NALF1: variants seen among roughly 807,000 people sequenced by gnomAD.
NALF1 encodes the protein NALCN channel auxiliary factor 1.
NALF1 carries 3 observed loss-of-function variants against 48.4 expected under a neutral mutation model. The ratio of observed to expected loss-of-function variants is 0.06; its 90% CI spans 0.03 to 0.16. The LOEUF (loss-of-function observed/expected upper bound fraction) is 0.16, where lower values mean the gene tolerates loss of function less well. Among genes scored for constraint, NALF1 ranks in the 10% least tolerant of loss-of-function variants. The pLI, the probability that NALF1 is intolerant of heterozygous loss-of-function variation, is 1.00. For missense variants in NALF1, 526 were observed against 571.5 expected, an observed-to-expected ratio of 0.92 and a Z score of 0.81; for synonymous variants, 262 against 245.7, an observed-to-expected ratio of 1.07 and a Z score of -0.62.
At chr13:107,854,777 C>T (rs995812442) in intron 1 of NALF1, among the ~76,000 whole-genome samples, 2 of 150,692 alleles carry the variant, frequency 1.3e-5, no homozygotes, top group Admixed American at 6.6e-5. Flanking sequence ...GGGAGGCTGA[C>T]GCAGGAGAAT....
intron 1 of NALF1, among the ~76,000 whole-genome samples, chr13:107,314,475 A>G (rs1377288903): frequency 6.6e-6 from 1 of 151,296 alleles, no homozygotes; most frequent in Non-Finnish European, 1.5e-5. Flanking sequence ...TTGATTCTTC[A>G]GAAAGATTTA....
At chr13:107,534,618 C>T (rs566895951) in intron 1 of NALF1, among the ~76,000 whole-genome samples, 8 of 152,152 alleles carry the variant, frequency 5.3e-5, no homozygotes, top group African/African-American at 1.9e-4. Flanking sequence ...TACAAATAAG[C>T]CAGTATTTCC....
intron 1 of NALF1, among the ~76,000 whole-genome samples, chr13:107,515,144 T>C (rs1876017121): frequency 6.6e-6 from 1 of 152,166 alleles, no homozygotes; most frequent in Admixed American, 6.5e-5. Context: ...TGCAGCCCTT[T>C]TGCAAAAGTG....
Position 107,511,906 on chromosome 13 carries a change from A to C in NALF1, c.916-301151T>G, listed in dbSNP as rs201819038. Among the ~76,000 whole-genome samples, 4 of 152,328 alleles carry C rather than the reference A, an allele frequency of 2.6e-5. No homozygotes were observed. The East Asian group carries it at 7.7e-4, about 29-fold the overall frequency. On this transcript the variant is annotated intron_variant, in intron 1 of 2. Coordinates refer to ENST00000375915, the MANE Select transcript of NALF1 (RefSeq NM_001080396.3). ...TGTTGAAAAGCATTTTGAATACCTGAAAGCAGTTACCCCAAGCACATCACC... is the reference window on the plus strand; with the variant it reads ...TGTTGAAAAGCATTTTGAATACCTGCAAGCAGTTACCCCAAGCACATCACC...
Position 107,791,784 on chromosome 13 carries a change from C to G in NALF1, c.915+73898G>C, listed in dbSNP as rs11840762. ...TGGCCAACGTGGTGATCCCCGCCCC[C>G]CCCCGTCTCTACTAAAAATACAAAA... On this transcript the variant is annotated intron_variant, in intron 1 of 2. Coordinates refer to ENST00000375915, the MANE Select transcript of NALF1 (RefSeq NM_001080396.3). Among the ~76,000 whole-genome samples the G allele has an allele frequency of 5.6e-3, 850 of 151,792 alleles. 10 individuals carry two copies. Among genetic ancestry groups the G allele is most frequent in the African/African-American group, 0.019 (793 of 41,386 alleles).
intron 1 of NALF1, among the ~76,000 whole-genome samples, chr13:107,403,794 T>C (rs1400488284): frequency 6.6e-6 from 1 of 151,944 alleles, no homozygotes; most frequent in Non-Finnish European, 1.5e-5. Context: ...TTTAGTTTTT[T>C]ATCTGAACAA....
At chr13:107,286,232 G>A (rs1881490805) in intron 1 of NALF1, among the ~76,000 whole-genome samples, 1 of 152,114 alleles carries the variant, frequency 6.6e-6, no homozygotes, top group South Asian at 2.1e-4. Context: ...GAATTACCAC[G>A]TGACCCTGTA....
intron 1 of NALF1, among the ~76,000 whole-genome samples, chr13:107,527,041 C>A (rs1876470647): frequency 6.6e-6 from 1 of 152,100 alleles, no homozygotes; most frequent in Non-Finnish European, 1.5e-5. Context: ...TTCATATAAG[C>A]CCCAATGTTT....
intron 1 of NALF1, among the ~76,000 whole-genome samples, chr13:107,284,082 G>T (rs1260112567): frequency 6.6e-6 from 1 of 152,140 alleles, no homozygotes; most frequent in African/African-American, 2.4e-5. Flanking sequence ...ATAGGGCAAA[G>T]GATTATGGCT....
chr13:107,172,437 T>A (rs1199033844), intron 2 of NALF1, among the ~76,000 whole-genome samples: 2 of 152,218 alleles, frequency 1.3e-5, no homozygotes, highest in African/African-American at 4.8e-5. Flanking sequence ...GTATACCTAT[T>A]TATTTAATTA....
intron 1 of NALF1, among the ~76,000 whole-genome samples, chr13:107,684,359 C>T (rs1349426371): frequency 6.6e-6 from 1 of 152,184 alleles, no homozygotes; most frequent in East Asian, 1.9e-4. Context: ...CTTGCTTTGG[C>T]ATTTGGCAGC....
intron 1 of NALF1, among the ~76,000 whole-genome samples, chr13:107,510,987 C>A (rs1875869101): frequency 6.6e-6 from 1 of 152,130 alleles, no homozygotes; most frequent in Non-Finnish European, 1.5e-5. Context: ...GCATCTAGCC[C>A]AAAGCAAGGC....
chr13:107,696,674 G>A (rs980306512), intron 1 of NALF1, among the ~76,000 whole-genome samples: 1 of 151,938 alleles, frequency 6.6e-6, no homozygotes, highest in African/African-American at 2.4e-5. Context: ...CTTATATTAG[G>A]TAGTGCATAT....
Position 107,167,240 on chromosome 13 carries a change from C to T in NALF1, c.*3257G>A, listed in dbSNP as rs781417718. On this transcript the variant is annotated 3_prime_UTR_variant, in exon 3 of 3. Coordinates refer to ENST00000375915, the MANE Select transcript of NALF1 (RefSeq NM_001080396.3). The stretch of plus-strand genomic sequence containing the variant: ...ATATTGTAGTTCATTAGCCAGTATA[C>T]GGTAGACATCCTCTACAGGAAAAAC... 2.0e-5 allele frequency: 3 copies of T among 152,250 alleles called. No homozygotes were observed. The highest frequency in any genetic ancestry group is 1.9e-4 in the East Asian group (1 of 5,178). The allele number at this position is 152,250 out of a possible 1,614,324, so 9.4% of individuals were successfully genotyped here.
intron 1 of NALF1, among the ~76,000 whole-genome samples, chr13:107,445,185 C>T (rs1884628913): frequency 6.6e-6 from 1 of 152,078 alleles, no homozygotes; most frequent in South Asian, 2.1e-4. Flanking sequence ...GGAGTCACCA[C>T]CACAATGAAG....
At chr13:107,816,357 A>G (rs985253611) in intron 1 of NALF1, among the ~76,000 whole-genome samples, 1 of 152,228 alleles carries the variant, frequency 6.6e-6, no homozygotes, top group African/African-American at 2.4e-5. Flanking sequence ...TCACAGGTCC[A>G]CGTGGCTGGG....
intron 1 of NALF1, among the ~76,000 whole-genome samples, chr13:107,573,911 C>A (rs1355615444): frequency 6.6e-6 from 1 of 152,194 alleles, no homozygotes; most frequent in Non-Finnish European, 1.5e-5. Context: ...AATTAAACCT[C>A]TTTCTTTTAT....
intron 2 of NALF1, among the ~76,000 whole-genome samples, chr13:107,195,355 G>C (rs1879368033): frequency 1.3e-5 from 2 of 152,186 alleles, no homozygotes; most frequent in African/African-American, 4.8e-5. Flanking sequence ...AATAATGCTA[G>C]TTACATTTGT....
intron 1 of NALF1, among the ~76,000 whole-genome samples, chr13:107,277,563 T>C (rs1281030168): frequency 6.6e-6 from 1 of 152,176 alleles, no homozygotes; most frequent in Non-Finnish European, 1.5e-5. Flanking sequence ...CAGTTTCTCA[T>C]TGGCATTGCT....
Sources: gnomAD v4.1 joint callset for allele counts (sites outside exome capture counted in the v4.1 genomes callset) on GRCh38, gnomAD v4.1.1 for gene constraint, MANE v1.5 for transcripts, NCBI Gene and HGNC (gene_info 2026-07-23, HGNC 2026-07-21) for gene names.